Variants in BCL2 observed in about 807,000 individuals in gnomAD.
BCL2 encodes apoptosis regulator Bcl-2.
A neutral mutation model predicts 14.2 loss-of-function variants in BCL2; 1 was observed. That is an observed-to-expected ratio of 0.07 (90% CI 0.02 to 0.33). BCL2 has a LOEUF of 0.33. Among genes scored for constraint, BCL2 ranks in the 10% least tolerant of loss-of-function variants. The pLI is 0.99. For synonymous variants in BCL2, 151 were observed against 137.2 expected (o/e 1.10, Z -0.70); for missense variants, 247 against 305.9 (o/e 0.81, Z 1.44).
chr18:63,260,101 C>CA (rs1911610393), intron 2 of BCL2, among the ~76,000 whole-genome samples: 1 of 149,662 alleles, frequency 6.7e-6, no homozygotes, highest in Admixed American at 6.7e-5. Flanking sequence ...TTTTCATCTG[C>CA]TTTTTTTTTT....
chr18:63,211,369 C>G (rs1909998534), intron 2 of BCL2, among the ~76,000 whole-genome samples: 1 of 152,062 alleles, frequency 6.6e-6, no homozygotes, highest in African/African-American at 2.4e-5. Context: ...TATTTATTTC[C>G]ATCTTTCCAA....
chr18:63,310,130 T>C (rs1407588092), intron 2 of BCL2, among the ~76,000 whole-genome samples: 1 of 152,212 alleles, frequency 6.6e-6, no homozygotes, highest in Non-Finnish European at 1.5e-5. Context: ...CCCACAGTGC[T>C]GGGATTACAG....
In BCL2 at chr18:63,126,113, A is replaced by G. The variant is rs1913903840; in HGVS notation, c.*2512T>C. 4.6e-6 allele frequency: 1 copy of G among 215,460 alleles called. No individual in the cohort carries two copies. The highest frequency in any genetic ancestry group is 2.3e-5 in the African/African-American group (1 of 44,286). 13.3% of individuals were successfully genotyped at this position (215,460 alleles called of 1,614,324 possible). ...ATAGCAGCACAGGATTGGATATTCC[A>G]TATTCATCACTTTGACAATGTAAAC... On this transcript the variant is annotated 3_prime_UTR_variant, in exon 3 of 3. Coordinates refer to ENST00000333681, the MANE Select transcript of BCL2 (RefSeq NM_000633.3).
intron 2 of BCL2, among the ~76,000 whole-genome samples, chr18:63,150,929 C>T (rs1914636938): frequency 6.6e-6 from 1 of 152,058 alleles, no homozygotes; most frequent in African/African-American, 2.4e-5. Context: ...GGCAACACTC[C>T]TCAAAGGTTA....
chr18:63,169,316 C>CCT (rs1568222502), intron 2 of BCL2, among the ~76,000 whole-genome samples: 5 of 76,384 alleles, frequency 6.5e-5, no homozygotes, highest in Non-Finnish European at 9.1e-5. Flanking sequence ...TTCTTCCTTC[C>CCT]TTCCTTCTTT....
At chr18:63,289,621 G>A (rs1018021008) in intron 2 of BCL2, among the ~76,000 whole-genome samples, 1 of 152,080 alleles carries the variant, frequency 6.6e-6, no homozygotes, top group African/African-American at 2.4e-5. Context: ...ATAAAAAAAA[G>A]GGTGGCTCAT....
Position 63,125,796 on chromosome 18 carries a change from C to A in BCL2, c.*2829G>T. ...CAACTACTCTTAGAGCAAGTGCAGCCACAATACTGTACAGTTCTGGGGCCA... is the reference window on the plus strand; with the variant it reads ...CAACTACTCTTAGAGCAAGTGCAGCAACAATACTGTACAGTTCTGGGGCCA... On this transcript the variant is annotated 3_prime_UTR_variant, in exon 3 of 3. Coordinates refer to ENST00000333681, the MANE Select transcript of BCL2 (RefSeq NM_000633.3). 1 of 219,146 alleles carries A rather than the reference C, an allele frequency of 4.6e-6. No homozygotes were observed. 13.6% of individuals were successfully genotyped at this position (219,146 alleles called of 1,614,324 possible).
chr18:63,286,827 TGATGATTGCATG>T lies in BCL2; in HGVS notation c.585+31243_585+31254del, dbSNP rs1912487275. 2.0e-5 allele frequency among the ~76,000 whole-genome samples: 3 copies of T among 152,102 alleles called. No homozygotes were observed. The South Asian group carries it at 6.2e-4, about 32-fold the overall frequency. ...ATCTTGCTACCCCATGATCCCCACA[TGATGATTGCATG>T]GAGCAGATGTCATTATCCCCATTGC... On this transcript the variant is annotated intron_variant, in intron 2 of 2. Coordinates refer to ENST00000333681, the MANE Select transcript of BCL2 (RefSeq NM_000633.3).
intron 2 of BCL2, among the ~76,000 whole-genome samples, chr18:63,232,029 T>C (rs1184546965): frequency 2.0e-5 from 3 of 152,060 alleles, no homozygotes; most frequent in African/African-American, 7.2e-5. Flanking sequence ...TGTGGGAATT[T>C]GGTATGTGAC....
Position 63,125,805 on chromosome 18 carries a change from G to T in BCL2, c.*2820C>A, listed in dbSNP as rs375734256. ...TTAGAGCAAGTGCAGCCACAATACT[G>T]TACAGTTCTGGGGCCAAGAGGCTGG... On this transcript the variant is annotated 3_prime_UTR_variant, in exon 3 of 3. Transcript: ENST00000333681. 1.1e-4 allele frequency: 23 copies of T among 218,814 alleles called. No individual in the cohort carries two copies. The highest frequency in any genetic ancestry group is 4.7e-4 in the African/African-American group (21 of 44,650). 13.6% of individuals were successfully genotyped at this position (218,814 alleles called of 1,614,324 possible). A position where few individuals can be genotyped will look rare whatever the true frequency, so the allele number is the denominator to read the frequency against.
At chr18:63,167,813 C>G (rs1599220507) in intron 2 of BCL2, among the ~76,000 whole-genome samples, 1 of 152,072 alleles carries the variant, frequency 6.6e-6, no homozygotes, top group Non-Finnish European at 1.5e-5. Context: ...GTGGTCCCAC[C>G]TACTCAGGAG....
At position 63,258,057 on chromosome 18, in the gene BCL2, C is replaced by T. The variant is rs181575576; in HGVS notation, c.585+60025G>A. ...GGAGGTCGTTAGGGTGGGCTCTAAC[C>T]CAATAGGACTGCGTCCTTATAGGCA... On this transcript the variant is annotated intron_variant, in intron 2 of 2. Transcript: ENST00000333681. 1.7e-4 allele frequency among the ~76,000 whole-genome samples: 26 copies of T among 152,250 alleles called. 1 individual carries two copies. Among genetic ancestry groups the T allele is most frequent in the Admixed American group, 3.9e-4 (6 of 15,288 alleles).
chr18:63,318,474 G>A lies in BCL2; in HGVS notation c.193C>T (p.Pro65Ser), dbSNP rs768259110. ...HTPHPAASRDPVARTSPLQTP... is the reference protein window; with the variant it reads ...HTPHPAASRDSVARTSPLQTP... Reference sequence around the variant, plus strand: ...TGCAGCGGCGAGGTCCTGGCGACCGGGTCCCGGGATGCGGCTGGATGGGGC... The same window carrying A: ...TGCAGCGGCGAGGTCCTGGCGACCGAGTCCCGGGATGCGGCTGGATGGGGC... The change falls in exon 2 of 3, where the codon CCG (proline) becomes TCG (serine). Residue 65 changes from proline to serine, a missense_variant. By Grantham distance (74) the Pro-to-Ser change is moderately conservative. This residue lies in a region of BCL2 where 144 missense variants were observed against 135.3 expected (regional missense o/e 1.06). Coordinates refer to ENST00000333681, the MANE Select transcript of BCL2 (RefSeq NM_000633.3). The surrounding 1 kb of genome is among the most constrained non-coding windows in gnomAD (Gnocchi z 7.4). 3.4e-6 allele frequency: 5 copies of A among 1,477,406 alleles called. No homozygotes were observed. Among genetic ancestry groups the A allele is most frequent in the African/African-American group, 2.9e-5 (2 of 68,372 alleles). 91.5% of individuals were successfully genotyped at this position (1,477,406 alleles called of 1,614,324 possible). A position where few individuals can be genotyped will look rare whatever the true frequency, so the allele number is the denominator to read the frequency against.
intron 2 of BCL2, among the ~76,000 whole-genome samples, chr18:63,306,529 T>A (rs559917456): frequency 4.9e-4 from 74 of 152,364 alleles, no homozygotes; most frequent in Admixed American, 3.4e-3. Flanking sequence ...GTCCACCATG[T>A]GGCCGCTTGC....
At chr18:63,140,167 T>A (rs1463915756) in intron 2 of BCL2, among the ~76,000 whole-genome samples, 1 of 152,166 alleles carries the variant, frequency 6.6e-6, no homozygotes, top group African/African-American at 2.4e-5. Context: ...GCAAGGATGT[T>A]GAGAAATTGA....
At chr18:63,185,351 A>C (rs1568227446) in intron 2 of BCL2, among the ~76,000 whole-genome samples, 2 of 152,254 alleles carry the variant, frequency 1.3e-5, no homozygotes, top group African/African-American at 4.8e-5. Context: ...GTGATTTCAC[A>C]AAGTATGGTC....
At chr18:63,131,389 C>T (rs1309448337) in intron 2 of BCL2, among the ~76,000 whole-genome samples, 5 of 152,192 alleles carry the variant, frequency 3.3e-5, no homozygotes, top group African/African-American at 1.2e-4. Flanking sequence ...AATAGACGTA[C>T]ATAAAATGTG....
intron 2 of BCL2, among the ~76,000 whole-genome samples, chr18:63,258,760 T>A (rs2144220567): frequency 6.6e-6 from 1 of 152,366 alleles, no homozygotes; most frequent in South Asian, 2.1e-4. Flanking sequence ...CACGTTTTGT[T>A]CACATGCCTA....
At chr18:63,158,539 A>AG (rs1044967237) in intron 2 of BCL2, among the ~76,000 whole-genome samples, 1 of 151,988 alleles carries the variant, frequency 6.6e-6, no homozygotes, top group Non-Finnish European at 1.5e-5. Flanking sequence ...CTTCCTCCAG[A>AG]GGCCCCCCAC....
Sources: allele counts gnomAD v4.1 joint callset (sites outside exome capture counted in the v4.1 genomes callset), GRCh38; gene constraint gnomAD v4.1.1; regional missense constraint gnomAD v4.1.1; non-coding constraint Gnocchi (gnomAD v3.1); transcripts MANE v1.5; gene names NCBI Gene and HGNC (gene_info 2026-07-23, HGNC 2026-07-21).